Variants in OLFM1 observed in about 807,000 individuals in gnomAD.
OLFM1 encodes the protein noelin.
A neutral mutation model predicts 49.7 loss-of-function variants in OLFM1; 9 were observed. That is an observed-to-expected ratio of 0.18 (90% CI 0.11 to 0.32). The LOEUF is 0.32. Ranked by LOEUF, OLFM1 falls within the 10% of genes least tolerant of loss-of-function variation. OLFM1 has a pLI of 1.00. For synonymous variants in OLFM1, 240 were observed against 271.8 expected, an observed-to-expected ratio of 0.88 and a Z score of 1.15; for missense variants, 369 against 661.8, an observed-to-expected ratio of 0.56 and a Z score of 4.85.
intron 1 of OLFM1, chr9:135,077,406 G>GTCTTTTTAAAGAT: frequency 1.3e-6 from 1 of 786,492 alleles, no homozygotes; most frequent in East Asian, 3.0e-5. Context: ...TCCTCTTTGT[G>GTCTTTTTAAAGAT]TCTTTTTAAA....
At chr9:135,101,769 C>T (rs956645675) in intron 4 of OLFM1, among the ~76,000 whole-genome samples, 9 of 152,174 alleles carry the variant, frequency 5.9e-5, no homozygotes, top group Non-Finnish European at 1.0e-4. Context: ...AAGCCAGAAG[C>T]GTGAGGGTCA....
At chr9:135,077,153 C>T (rs1830478811) in intron 1 of OLFM1, 3 of 1,519,200 alleles carry the variant, frequency 2.0e-6, no homozygotes, top group Non-Finnish European at 2.7e-6. Flanking sequence ...TTCATGTGCA[C>T]ACACACACAC....
At chr9:135,100,025 C>G (rs1319754236) in intron 4 of OLFM1, among the ~76,000 whole-genome samples, 2 of 152,184 alleles carry the variant, frequency 1.3e-5, no homozygotes, top group Non-Finnish European at 2.9e-5. Flanking sequence ...GCCCCTCTCT[C>G]CAGGACCTCC....
chr9:135,118,948 C>G (rs527525000), intron 5 of OLFM1, among the ~76,000 whole-genome samples: 2 of 143,418 alleles, frequency 1.4e-5, no homozygotes, highest in African/African-American at 2.6e-5. Context: ...TTTGGAAGTG[C>G]TCACTGGGTC....
intron 3 of OLFM1, among the ~76,000 whole-genome samples, chr9:135,097,062 A>G (rs1241101253): frequency 6.6e-6 from 1 of 152,206 alleles, no homozygotes; most frequent in Non-Finnish European, 1.5e-5. Context: ...TGAACAGGTC[A>G]AATTACACAG....
chr9:135,076,855 G>A (rs1339822867), intron 1 of OLFM1: 2 of 1,550,486 alleles, frequency 1.3e-6, no homozygotes, highest in Non-Finnish European at 1.7e-6. Flanking sequence ...GGGCCAGAGA[G>A]CGAGAGGAAG....
chr9:135,108,622 G>A (rs992554115), intron 5 of OLFM1, among the ~76,000 whole-genome samples: 8 of 151,792 alleles, frequency 5.3e-5, no homozygotes, highest in African/African-American at 1.7e-4. Context: ...GATAGAGCGA[G>A]GCTCTGTCTC....
At chr9:135,114,336 C>T (rs1437973715) in intron 5 of OLFM1, among the ~76,000 whole-genome samples, 3 of 151,820 alleles carry the variant, frequency 2.0e-5, no homozygotes, top group East Asian at 1.9e-4. Flanking sequence ...GGCCAGGTCT[C>T]GAACTCCTGA....
intron 5 of OLFM1, among the ~76,000 whole-genome samples, chr9:135,111,453 A>G (rs1415136948): frequency 1.3e-5 from 2 of 152,112 alleles, no homozygotes; most frequent in African/African-American, 4.8e-5. Context: ...TCAGTGTGCG[A>G]GACCTCCACG....
rs79388766 is a variant in OLFM1 at position 135,117,272 on chromosome 9, G to A, written c.784-2232G>A. Among the ~76,000 whole-genome samples the A allele has an allele frequency of 0.014, 2,116 of 152,246 alleles. 47 individuals are homozygous for A. Among genetic ancestry groups the A allele is most frequent in the African/African-American group, 0.049 (2,022 of 41,538 alleles). ...GGCCATTACTGGGTTTGCTATCTTG[G>A]TTGCTTTCGACAACCAGAGGCTTCT... On this transcript the variant is annotated intron_variant, in intron 5 of 5. Transcript: ENST00000371793. The surrounding 1 kb of genome is among the most constrained non-coding windows in gnomAD (Gnocchi z 5.5).
At position 135,081,053 on chromosome 9, in the gene OLFM1, C is replaced by T. The variant is rs117734712; in HGVS notation, c.96+5251C>T. On this transcript the variant is annotated intron_variant, in intron 1 of 5. Transcript: ENST00000252854. ...CCCGGAGTTAAAGCCCCAGGAATCC[C>T]GCCAGTGGCGAGGACTGATACCGCA... 5.1e-3 allele frequency among the ~76,000 whole-genome samples: 769 copies of T among 152,166 alleles called. 1 individual carries two copies. The highest frequency in any genetic ancestry group is 8.4e-3 in the Non-Finnish European group (573 of 68,024).
upstream of OLFM1, among the ~76,000 whole-genome samples, chr9:135,083,622 G>C (rs1830559437): frequency 6.6e-6 from 1 of 152,202 alleles, no homozygotes; most frequent in African/African-American, 2.4e-5. Flanking sequence ...GGAGGAAGTT[G>C]AATCTCCTGG....
At chr9:135,087,194 G>A, upstream of OLFM1, 1 of 1,390,592 alleles carries the variant, frequency 7.2e-7, no homozygotes, top group African/African-American at 1.5e-5. Context: ...CGCGAGTCTG[G>A]CTGCTTTTCG....
chr9:135,117,424 C>T lies in OLFM1; in HGVS notation c.784-2080C>T, dbSNP rs1003322137. ...GCCCTGCAGACAGGATGACTCAGTCCGTGCCGCAGCGATGGCTTGGTGGGA... is the reference window on the plus strand; with the variant it reads ...GCCCTGCAGACAGGATGACTCAGTCTGTGCCGCAGCGATGGCTTGGTGGGA... On this transcript the variant is annotated intron_variant, in intron 5 of 5. Transcript: ENST00000371793. The surrounding 1 kb of genome is among the most constrained non-coding windows in gnomAD (Gnocchi z 5.5). 1.2e-4 allele frequency among the ~76,000 whole-genome samples: 18 copies of T among 152,234 alleles called. No individual in the cohort carries two copies. The highest frequency in any genetic ancestry group is 7.3e-5 in the Non-Finnish European group (5 of 68,048).
At chr9:135,093,737 G>A (rs536673448) in intron 2 of OLFM1, among the ~76,000 whole-genome samples, 46 of 152,284 alleles carry the variant, frequency 3.0e-4, no homozygotes, top group African/African-American at 1.1e-3. Context: ...CAGAGGAAGG[G>A]CTGTGCTCAG....
intron 1 of OLFM1, chr9:135,076,721 T>C (rs781637469): frequency 1.2e-4 from 175 of 1,445,488 alleles, no homozygotes; most frequent in Middle Eastern, 9.9e-4. Context: ...GAGTTGCAAG[T>C]CCAGGAAGTG....
rs202192393 is a variant in OLFM1 at position 135,113,339 on chromosome 9, G to T, written c.784-6165G>T. On this transcript the variant is annotated intron_variant, in intron 5 of 5. Coordinates refer to ENST00000371793, the MANE Select transcript of OLFM1 (RefSeq NM_001282611.2). This position sits in a 1 kb window ranked among gnomAD's most constrained non-coding sequence, Gnocchi z 4.0. ...TGGTCTTATGGCCTTCTTCCTTTGG[G>T]TGGTGCCTGGGCCTGATGAGCTCCA... 2.8e-4 allele frequency among the ~76,000 whole-genome samples: 42 copies of T among 152,292 alleles called. No individual in the cohort carries two copies. In the East Asian group the frequency reaches 7.5e-3, roughly 27 times the overall value.
chr9:135,090,525 C>T (rs77052141), intron 2 of OLFM1, among the ~76,000 whole-genome samples, 181 bp downstream of exon 2: 1 of 151,160 alleles, frequency 6.6e-6, no homozygotes, highest in Non-Finnish European at 1.5e-5. Flanking sequence ...GGTGGATGGA[C>T]GGATGGGTGG....
At chr9:135,103,016 G>T (rs774518853) in intron 4 of OLFM1, among the ~76,000 whole-genome samples, 1 of 152,206 alleles carries the variant, frequency 6.6e-6, no homozygotes, top group African/African-American at 2.4e-5. Flanking sequence ...GCTTGTCCAG[G>T]CTCCCGGCCT....
Sources: gnomAD v4.1 joint callset for allele counts (sites outside exome capture counted in the v4.1 genomes callset) on GRCh38, gnomAD v4.1.1 for gene constraint, Gnocchi (gnomAD v3.1) non-coding constraint, MANE v1.5 for transcripts, NCBI Gene and HGNC (gene_info 2026-07-23, HGNC 2026-07-21) for gene names.